Variants in BID observed in about 807,000 individuals in gnomAD.
The protein encoded by BID is BH3 interacting domain death agonist, also known as BH3-interacting domain death agonist.
BID carries 19 observed loss-of-function variants against 17.4 expected under a neutral mutation model. The ratio of observed to expected loss-of-function variants is 1.09; its 90% CI spans 0.76 to 1.60. BID has a LOEUF of 1.60. BID is among the 40% of genes most tolerant of loss of function. The pLI is 0.00. For missense variants in BID, 226 were observed against 256.0 expected, an observed-to-expected ratio of 0.88 and a Z score of 0.80; for synonymous variants, 108 against 102.8, an observed-to-expected ratio of 1.05 and a Z score of -0.31.
At chr22:17,747,040 T>C (rs2061499517) in intron 2 of BID, among the ~76,000 whole-genome samples, 1 of 152,084 alleles carries the variant, frequency 6.6e-6, no homozygotes, top group South Asian at 2.1e-4. Context: ...GTTATCAAAC[T>C]CAAGATCCCA....
At position 17,752,588 on chromosome 22, in the gene BID, C is replaced by A. The variant is rs188616494; in HGVS notation, c.-58-2414G>T. Among the ~76,000 whole-genome samples the A allele has an allele frequency of 5.4e-3, 820 of 152,326 alleles. 6 individuals are homozygous for A. Among genetic ancestry groups the A allele is most frequent in the Non-Finnish European group, 7.3e-3 (496 of 68,032 alleles). On this transcript the variant is annotated intron_variant, in intron 1 of 5. Transcript: ENST00000622694. ...TGGTGTGTCACATACACAGTGAATA[C>A]CACTAACCCCAGTGTTGGGCATGTG...
intron 3 of BID, chr22:17,740,957 T>C (rs1291958060): frequency 6.6e-6 from 1 of 152,198 alleles, no homozygotes; most frequent in Non-Finnish European, 1.5e-5. Flanking sequence ...CCAGTAAGTG[T>C]TCAATAGATG....
chr22:17,744,375 C>G (rs1012823148), intron 2 of BID, among the ~76,000 whole-genome samples: 1 of 152,250 alleles, frequency 6.6e-6, no homozygotes, highest in Non-Finnish European at 1.5e-5. Context: ...CATCCGCCAT[C>G]CTGTGCTGGC....
At chr22:17,774,262 C>T (rs1218502341) in intron 1 of BID, 119 bp downstream of exon 1, 1 of 151,554 alleles carries the variant, frequency 6.6e-6, no homozygotes, top group Non-Finnish European at 1.5e-5. Flanking sequence ...CTCTGGCTCC[C>T]ACCGCGGTCG....
In BID at chr22:17,735,609, A is replaced by G; in HGVS notation, c.577-18T>C. 1 of 1,614,066 alleles carries G rather than the reference A, an allele frequency of 6.2e-7. No homozygotes were observed. The highest frequency in any genetic ancestry group is 2.2e-5 in the East Asian group (1 of 44,886). On this transcript the variant is annotated intron_variant, in intron 5 of 5. Coordinates refer to ENST00000622694, the MANE Select transcript of BID (RefSeq NM_001196.4). The stretch of plus-strand genomic sequence containing the variant: ...TCCATCCCCTAGAGCAAGAAAGGAG[A>G]AAAAGCCAGAATCAGCTAGGCTCAT...
chr22:17,770,913 G>A (rs2061714166), intron 1 of BID, among the ~76,000 whole-genome samples: 1 of 152,250 alleles, frequency 6.6e-6, no homozygotes, highest in Non-Finnish European at 1.5e-5. Flanking sequence ...AAAGTTCCCT[G>A]GTGATCCGGA....
chr22:17,743,721 C>A, intron 3 of BID, 82 bp downstream of exon 3: 1 of 1,418,788 alleles, frequency 7.0e-7, no homozygotes. Context: ...CCCGGGGGTC[C>A]CTTCCAGCCC....
chr22:17,764,775 T>C (rs757194505), intron 1 of BID, among the ~76,000 whole-genome samples: 3 of 152,206 alleles, frequency 2.0e-5, no homozygotes, highest in Non-Finnish European at 4.4e-5. Context: ...ATCAAAACCA[T>C]TGAGGGTTGC....
At chr22:17,770,837 C>T (rs1227641954) in intron 1 of BID, among the ~76,000 whole-genome samples, 7 of 152,152 alleles carry the variant, frequency 4.6e-5, no homozygotes, top group Non-Finnish European at 7.4e-5. Context: ...AGCATAGAAG[C>T]GGGCTGAGCC....
At chr22:17,756,480 CTTTCTTTCTTTCTT>C (rs1569047901) in intron 1 of BID, among the ~76,000 whole-genome samples, 13 of 99,530 alleles carry the variant, frequency 1.3e-4, no homozygotes, top group African/African-American at 4.7e-4. Flanking sequence ...TCTTTCTTTT[CTTTCTTTCTTTCTT>C]TCTCTCTCTC....
intron 1 of BID, among the ~76,000 whole-genome samples, chr22:17,753,269 C>A (rs181409): frequency 1.3e-5 from 2 of 151,990 alleles, no homozygotes; most frequent in East Asian, 1.9e-4. Context: ...CCCAGCCCCC[C>A]AATGGGACAT....
intron 5 of BID, among the ~76,000 whole-genome samples, chr22:17,737,051 T>C (rs1601832014): frequency 6.6e-6 from 1 of 152,274 alleles, no homozygotes; most frequent in East Asian, 1.9e-4. Context: ...ATGATCCGCC[T>C]GCCTTGGCCT....
intron 1 of BID, among the ~76,000 whole-genome samples, chr22:17,762,497 AAATT>A (rs569126284): frequency 1.8e-3 from 271 of 152,274 alleles, no homozygotes; most frequent in African/African-American, 6.3e-3. Flanking sequence ...CTCTGTCTCA[AAATT>A]AATTAATTAA....
chr22:17,753,405 G>A (rs2061556441), intron 1 of BID, among the ~76,000 whole-genome samples: 1 of 152,226 alleles, frequency 6.6e-6, no homozygotes, highest in Admixed American at 6.5e-5. Flanking sequence ...CAGACCCTGG[G>A]GGCCCCATCC....
At chr22:17,736,620 A>G (rs2061421770) in intron 5 of BID, among the ~76,000 whole-genome samples, 1 of 152,194 alleles carries the variant, frequency 6.6e-6, no homozygotes, top group Middle Eastern at 3.2e-3. Context: ...AGCATTGTGA[A>G]CACTGTATGT....
chr22:17,750,963 G>A (rs997019258), intron 1 of BID, among the ~76,000 whole-genome samples: 2 of 152,052 alleles, frequency 1.3e-5, no homozygotes, highest in African/African-American at 4.8e-5. Context: ...TTACACCCAG[G>A]AGGTGGAGGC....
In BID at chr22:17,734,232, T is replaced by C. The variant is rs2061404585; in HGVS notation, c.*1348A>G. Reference sequence around the variant, plus strand: ...TTTGTAAGCTTTTGCCCACTTTCAATTGAGCCAGCCCTAGCGTGGTATGTA... The same window carrying C: ...TTTGTAAGCTTTTGCCCACTTTCAACTGAGCCAGCCCTAGCGTGGTATGTA... On this transcript the variant is annotated 3_prime_UTR_variant, in exon 6 of 6. Coordinates refer to ENST00000622694, the MANE Select transcript of BID (RefSeq NM_001196.4). The C allele has an allele frequency of 6.6e-6, 1 of 152,252 alleles. No homozygotes were observed. The highest frequency in any genetic ancestry group is 2.1e-4 in the South Asian group (1 of 4,834). The allele number at this position is 152,252 out of a possible 1,614,324, so 9.4% of individuals were successfully genotyped here.
intron 2 of BID, among the ~76,000 whole-genome samples, chr22:17,745,477 A>G (rs1185703254): frequency 2.0e-5 from 3 of 151,984 alleles, no homozygotes; most frequent in Non-Finnish European, 4.4e-5. Context: ...CCTGGCAACA[A>G]GATCCCCATC....
chr22:17,760,664 C>G (rs551226437), intron 1 of BID, among the ~76,000 whole-genome samples: 2 of 152,216 alleles, frequency 1.3e-5, no homozygotes, highest in South Asian at 2.1e-4. Flanking sequence ...GAGCCAGCTT[C>G]CAGCCTCACG....
Sources: gnomAD v4.1 joint callset for allele counts (sites outside exome capture counted in the v4.1 genomes callset) on GRCh38, gnomAD v4.1.1 for gene constraint, MANE v1.5 for transcripts, NCBI Gene and HGNC (gene_info 2026-07-23, HGNC 2026-07-21) for gene names.